The following HOXC13 variants were observed in gnomAD, a reference collection of about 807,000 sequenced individuals.
HOXC13 encodes the protein homeobox protein Hox-C13.
In HOXC13, 10 loss-of-function variants were observed where a neutral mutation model predicts 25.9. That is an observed-to-expected ratio of 0.39 (90% CI 0.24 to 0.65). The LOEUF (loss-of-function observed/expected upper bound fraction) is 0.65. HOXC13 is among the 30% of genes least tolerant of loss of function. The pLI is 0.50. For missense variants in HOXC13, 439 were observed against 478.3 expected (o/e 0.92, Z 0.77); for synonymous variants, 233 against 217.1 (o/e 1.07, Z -0.64).
At chr12:53,942,410 G>C (rs1193831789) in intron 1 of HOXC13, among the ~76,000 whole-genome samples, 3 of 151,592 alleles carry the variant, frequency 2.0e-5, no homozygotes, top group Non-Finnish European at 4.4e-5. Context: ...TGCCTGTGGG[G>C]GGGCGGGTGG....
Position 53,939,391 on chromosome 12 carries a change from G to T in HOXC13, c.485G>T (p.Gly162Val). 6.2e-7 allele frequency: 1 copy of T among 1,605,836 alleles called. No homozygotes were observed. The stretch of plus-strand genomic sequence containing the variant: ...CCGGAGCCGTCGGGCGCCCTGCCCG[G>T]TGACGACCTGTCCTCTAGGGCCAAG... Reference protein sequence around the residue: ...KYPEPSGALPGDDLSSRAKEF... With the variant: ...KYPEPSGALPVDDLSSRAKEF... The change falls in exon 1 of 2, where the codon GGT becomes GTT. Residue 162 changes from glycine to valine, a missense_variant. By Grantham distance (109) the Gly-to-Val change is moderately radical (BLOSUM62 -3). Coordinates refer to ENST00000243056, the MANE Select transcript of HOXC13 (RefSeq NM_017410.3). This position sits in a 1 kb window ranked among gnomAD's most constrained non-coding sequence, Gnocchi z 6.7.
At chr12:53,944,872 CA>C in intron 1 of HOXC13, 127 bp from the exon 2 acceptor site, 1 of 1,154,904 alleles carries the variant, frequency 8.7e-7, no homozygotes, top group Non-Finnish European at 1.2e-6. Context: ...TAGGGAGCTT[CA>C]CTATGCAGTG....
Position 53,939,691 on chromosome 12 carries a change from C to G in HOXC13, c.736+49C>G. ...CCGCCGCCGGGGACCCCTCCCCGCC[C>G]TGCCTGCCCCGGGGCTCCGCGCCCC... On this transcript the variant is annotated intron_variant, in intron 1 of 1. Transcript: ENST00000243056. The surrounding 1 kb of genome is among the most constrained non-coding windows in gnomAD (Gnocchi z 6.7). The G allele has an allele frequency of 7.7e-7, 1 of 1,306,324 alleles. No homozygotes were observed. Among genetic ancestry groups the G allele is most frequent in the Non-Finnish European group, 9.7e-7 (1 of 1,026,190 alleles). 80.9% of individuals were successfully genotyped at this position (1,306,324 alleles called of 1,614,324 possible). A position where few individuals can be genotyped will look rare whatever the true frequency, so the allele number is the denominator to read the frequency against.
chr12:53,941,655 TA>T (rs1234055928), intron 1 of HOXC13, among the ~76,000 whole-genome samples: 8 of 152,172 alleles, frequency 5.3e-5, no homozygotes, highest in East Asian at 1.9e-4. Flanking sequence ...ATCTTTGAAA[TA>T]AAAAAAGTAT....
At chr12:53,942,249 A>T (rs1161504060) in intron 1 of HOXC13, among the ~76,000 whole-genome samples, 4 of 136,072 alleles carry the variant, frequency 2.9e-5, no homozygotes, top group African/African-American at 1.1e-4. Flanking sequence ...AAAAAGAGAG[A>T]TGGGGTTTAG....
chr12:53,939,416 G>T lies in HOXC13; in HGVS notation c.510G>T (p.Lys170Asn). The T allele has an allele frequency of 6.2e-7, 1 of 1,604,894 alleles. No homozygotes were observed. Residue 170 changes from lysine (K) to asparagine (N), a missense_variant, in exon 1 of 2, where the codon AAG becomes AAT. Coordinates refer to ENST00000243056, the MANE Select transcript of HOXC13 (RefSeq NM_017410.3). The surrounding 1 kb of genome is among the most constrained non-coding windows in gnomAD (Gnocchi z 6.7). ...LPGDDLSSRAKEFAFYPSFAS... is the reference protein window; with the variant it reads ...LPGDDLSSRANEFAFYPSFAS... ...GTGACGACCTGTCCTCTAGGGCCAA[G>T]GAGTTCGCCTTCTACCCCAGCTTCG...
rs1938579822 is a variant in HOXC13 at position 53,939,746 on chromosome 12, C to A, written c.736+104C>A. The A allele has an allele frequency of 2.4e-6, 3 of 1,234,028 alleles. No homozygotes were observed. Among genetic ancestry groups the A allele is most frequent in the Non-Finnish European group, 3.0e-6 (3 of 986,038 alleles). The allele number at this position is 1,234,028 out of a possible 1,614,324, so 76.4% of individuals were successfully genotyped here. On this transcript the variant is annotated intron_variant, in intron 1 of 1. Transcript: ENST00000243056. The surrounding 1 kb of genome is among the most constrained non-coding windows in gnomAD (Gnocchi z 6.7). ...ACCCCCGCCGTCTGGCCCCGGCGCGCCCGCTCGGCTGGGCTGCCTATGGAG... is the reference window on the plus strand; with the variant it reads ...ACCCCCGCCGTCTGGCCCCGGCGCGACCGCTCGGCTGGGCTGCCTATGGAG...
rs1938680056 is a variant in HOXC13, at chr12:53,945,487, G to A, written c.*231G>A. 3.5e-6 allele frequency: 2 copies of A among 579,326 alleles called. No homozygotes were observed. Among genetic ancestry groups the A allele is most frequent in the Non-Finnish European group, 6.1e-6 (2 of 326,350 alleles). The allele number at this position is 579,326 out of a possible 1,614,324, so 35.9% of individuals were successfully genotyped here. A position where few individuals can be genotyped will look rare whatever the true frequency, so the allele number is the denominator to read the frequency against. ...AGATGGGACTCACGTGGCTTCAACA[G>A]CTTTGGAAATGGGTCCCGAGTGGGC... On this transcript the variant is annotated 3_prime_UTR_variant, in exon 2 of 2. Transcript: ENST00000243056. The surrounding 1 kb of genome is among the most constrained non-coding windows in gnomAD (Gnocchi z 4.4).
rs767074923 is a variant in HOXC13 at position 53,939,186 on chromosome 12, A to G, written c.280A>G (p.Thr94Ala). The change falls in exon 1 of 2, where the codon ACG becomes GCG. Residue 94 changes from threonine to alanine, a missense_variant. Thr to Ala is a moderately conservative substitution (Grantham distance 58, BLOSUM62 0). Transcript: ENST00000243056. The surrounding 1 kb of genome is among the most constrained non-coding windows in gnomAD (Gnocchi z 6.7). Reference sequence around the variant, plus strand: ...GGGCGCCCCTCAGGGCGCCGTCTATACGGACATCCCGGCCCCGGAGGCGGC... The same window carrying G: ...GGGCGCCCCTCAGGGCGCCGTCTATGCGGACATCCCGGCCCCGGAGGCGGC... ...PLGAPQGAVY[T>A]DIPAPEAARQ... The G allele has an allele frequency of 7.5e-5, 114 of 1,521,474 alleles. No homozygotes were observed. Among genetic ancestry groups the G allele is most frequent in the Admixed American group, 2.1e-4 (10 of 48,308 alleles). The allele number at this position is 1,521,474 out of a possible 1,614,324, so 94.2% of individuals were successfully genotyped here. A position where few individuals can be genotyped will look rare whatever the true frequency, so the allele number is the denominator to read the frequency against.
In HOXC13 at chr12:53,944,475, G is replaced by A. The variant is rs1488088038; in HGVS notation, c.737-525G>A. Reference sequence around the variant, plus strand: ...CAACAGAATGTCTTCCTCTGGCAACGGGGCAGAATATAAACTAATAAGGAC... The same window carrying A: ...CAACAGAATGTCTTCCTCTGGCAACAGGGCAGAATATAAACTAATAAGGAC... On this transcript the variant is annotated intron_variant, in intron 1 of 1. Transcript: ENST00000243056. 5.3e-5 allele frequency among the ~76,000 whole-genome samples: 8 copies of A among 152,094 alleles called. No individual in the cohort carries two copies. In the East Asian group the frequency reaches 1.3e-3, roughly 26 times the overall value.
chr12:53,944,967 T>C, intron 1 of HOXC13, 33 bp from the exon 2 acceptor site: 2 of 1,611,090 alleles, frequency 1.2e-6, no homozygotes, highest in Non-Finnish European at 1.7e-6. Context: ...GCCGCTTGCC[T>C]CACTTCTTCC....
chr12:53,945,801 C>G lies in HOXC13; in HGVS notation c.*545C>G. On this transcript the variant is annotated 3_prime_UTR_variant, in exon 2 of 2. Coordinates refer to ENST00000243056, the MANE Select transcript of HOXC13 (RefSeq NM_017410.3). This position sits in a 1 kb window ranked among gnomAD's most constrained non-coding sequence, Gnocchi z 4.4. The stretch of plus-strand genomic sequence containing the variant: ...GCGTATTTTAAAAGTCGTGTTAATA[C>G]TCATGATAATTATTAGGGACCTGGC... The G allele has an allele frequency of 4.2e-6, 1 of 239,070 alleles. No individual in the cohort carries two copies. Among genetic ancestry groups the G allele is most frequent in the East Asian group, 5.9e-5 (1 of 16,838 alleles). The allele number at this position is 239,070 out of a possible 1,614,324, so 14.8% of individuals were successfully genotyped here. A position where few individuals can be genotyped will look rare whatever the true frequency, so the allele number is the denominator to read the frequency against.
Position 53,938,986 on chromosome 12 carries a change from G to T in HOXC13, c.80G>T (p.Gly27Val). 6.6e-7 allele frequency: 1 copy of T among 1,508,890 alleles called. No homozygotes were observed. The highest frequency in any genetic ancestry group is 1.2e-5 in the South Asian group (1 of 81,672). 93.5% of individuals were successfully genotyped at this position (1,508,890 alleles called of 1,614,324 possible). The change falls in exon 1 of 2, where the codon GGC becomes GTC. Residue 27 changes from glycine to valine, a missense_variant. Gly to Val is a moderately radical substitution (Grantham distance 109, BLOSUM62 -3). Transcript: ENST00000243056. ...YVYEDSAAESGIGGGGGGGGG... is the reference protein window; with the variant it reads ...YVYEDSAAESVIGGGGGGGGG... ...TATGAGGACAGCGCGGCGGAGAGCGGCATCGGCGGCGGCGGCGGAGGAGGA... is the reference window on the plus strand; with the variant it reads ...TATGAGGACAGCGCGGCGGAGAGCGTCATCGGCGGCGGCGGCGGAGGAGGA...
In HOXC13 at chr12:53,939,031, C is replaced by CG. The variant is rs775869095; in HGVS notation, c.131dup (p.Gly45TrpfsTer108). 142 of 1,468,178 alleles carry CG rather than the reference C, an allele frequency of 9.7e-5. No individual in the cohort carries two copies. Among genetic ancestry groups the CG allele is most frequent in the Non-Finnish European group, 1.2e-4 (137 of 1,117,884 alleles). The allele number at this position is 1,468,178 out of a possible 1,614,324, so 90.9% of individuals were successfully genotyped here. A position where few individuals can be genotyped will look rare whatever the true frequency, so the allele number is the denominator to read the frequency against. On this transcript the variant is annotated frameshift_variant, in exon 1 of 2. Coordinates refer to ENST00000243056, the MANE Select transcript of HOXC13 (RefSeq NM_017410.3). LOFTEE classifies it high-confidence loss of function. This position sits in a 1 kb window ranked among gnomAD's most constrained non-coding sequence, Gnocchi z 6.7. ...GGAGGAGGCGGCGGCACGGGCGGAGCGGGGGGTGGCTGCAGCGGAGCGAGC... is the reference window on the plus strand; with the variant it reads ...GGAGGAGGCGGCGGCACGGGCGGAGCGGGGGGGTGGCTGCAGCGGAGCGAGC...
At chr12:53,942,201 A>G (rs1938623254) in intron 1 of HOXC13, among the ~76,000 whole-genome samples, 2 of 112,194 alleles carry the variant, frequency 1.8e-5, no homozygotes, top group African/African-American at 3.6e-5. Flanking sequence ...TGAGAGAGAG[A>G]GAGAAGCAGA....
chr12:53,942,154 C>CTTTTTTTTTT lies in HOXC13; in HGVS notation c.736+2540_736+2549dup, dbSNP rs56678098. Among the ~76,000 whole-genome samples the CTTTTTTTTTT allele has an allele frequency of 1.5e-4, 6 of 39,338 alleles. 1 individual carries two copies. Among genetic ancestry groups the CTTTTTTTTTT allele is most frequent in the Admixed American group, 3.9e-4 (1 of 2,580 alleles). The allele number at this position is 39,338 out of a possible 152,430, so 25.8% of individuals were successfully genotyped here. A position where few individuals can be genotyped will look rare whatever the true frequency, so the allele number is the denominator to read the frequency against. Reference sequence around the variant, plus strand: ...TTTTTCTCCCTACGGTGAGTGTAGACTTTTTTTTTTTTTTTTTTTTTTTTT... The same window carrying CTTTTTTTTTT: ...TTTTTCTCCCTACGGTGAGTGTAGACTTTTTTTTTTTTTTTTTTTTTTTTTTTTTTTTTTT... On this transcript the variant is annotated intron_variant, in intron 1 of 1. Transcript: ENST00000243056.
At chr12:53,944,565 G>A (rs1057309233) in intron 1 of HOXC13, among the ~76,000 whole-genome samples, 1 of 152,188 alleles carries the variant, frequency 6.6e-6, no homozygotes, top group Non-Finnish European at 1.5e-5. Context: ...AAGCATGGCA[G>A]GCCAGGCTGG....
chr12:53,945,550 G>T lies in HOXC13; in HGVS notation c.*294G>T. The T allele has an allele frequency of 2.2e-6, 1 of 455,514 alleles. No homozygotes were observed. The highest frequency in any genetic ancestry group is 4.0e-6 in the Non-Finnish European group (1 of 250,340). 28.2% of individuals were successfully genotyped at this position (455,514 alleles called of 1,614,324 possible). A position where few individuals can be genotyped will look rare whatever the true frequency, so the allele number is the denominator to read the frequency against. On this transcript the variant is annotated 3_prime_UTR_variant, in exon 2 of 2. Transcript: ENST00000243056. The surrounding 1 kb of genome is among the most constrained non-coding windows in gnomAD (Gnocchi z 4.4). The stretch of plus-strand genomic sequence containing the variant: ...GCTGTCGACCTCTACTCCTCCTTGC[G>T]CTCACCTTGCCAGAAAGTCTGGTGG...
At position 53,945,103 on chromosome 12, in the gene HOXC13, G is replaced by T. The variant is rs140009861; in HGVS notation, c.840G>T (p.Ala280=). The part of the protein sequence containing the change: ...VQLKELEKEY[A]ASKFITKEKR... ...TGAAGGAGCTAGAGAAGGAATACGC[G>T]GCTAGCAAGTTCATCACCAAAGAGA... Residue 280 remains alanine, a synonymous_variant, in exon 2 of 2, where the codon GCG becomes GCT. Coordinates refer to ENST00000243056, the MANE Select transcript of HOXC13 (RefSeq NM_017410.3). This position sits in a 1 kb window ranked among gnomAD's most constrained non-coding sequence, Gnocchi z 4.4. 3 of 1,613,998 alleles carry T rather than the reference G, an allele frequency of 1.9e-6. No homozygotes were observed. The highest frequency in any genetic ancestry group is 1.3e-5 in the African/African-American group (1 of 74,874).
Sources: allele counts gnomAD v4.1 joint callset (sites outside exome capture counted in the v4.1 genomes callset), GRCh38; gene constraint gnomAD v4.1.1; non-coding constraint Gnocchi (gnomAD v3.1); transcripts MANE v1.5; gene names NCBI Gene and HGNC (gene_info 2026-07-23, HGNC 2026-07-21).